The following USP6NL variants were observed in gnomAD, a reference collection of about 807,000 sequenced individuals.
The protein encoded by USP6NL is USP6 N-terminal-like protein.
USP6NL carries 26 observed loss-of-function variants against 61.9 expected under a neutral mutation model. That is an observed-to-expected ratio of 0.42 (90% confidence interval 0.31 to 0.58). The LOEUF (loss-of-function observed/expected upper bound fraction) is 0.58, where lower values mean the gene tolerates loss of function less well. Ranked by LOEUF, USP6NL falls within the 20% of genes least tolerant of loss-of-function variation. The pLI, the probability that USP6NL is intolerant of heterozygous loss-of-function variation, is 0.16. For synonymous variants in USP6NL, 432 were observed against 390.1 expected (o/e 1.11, Z -1.27); for missense variants, 1,114 against 1,034.3 (o/e 1.08, Z -1.06).
At position 11,587,964 on chromosome 10, in the gene USP6NL, C is replaced by G. The variant is rs1438582873; in HGVS notation, c.4+9667G>C. On this transcript the variant is annotated intron_variant, in intron 2 of 14. Transcript: ENST00000609104. The surrounding 1 kb of genome is among the most constrained non-coding windows in gnomAD (Gnocchi z 4.5). Reference sequence around the variant, plus strand: ...TAGAAATGGGGAATTTTCTACTAAACAGCTAAACGTGAAGGAAATCTAGAG... The same window carrying G: ...TAGAAATGGGGAATTTTCTACTAAAGAGCTAAACGTGAAGGAAATCTAGAG... Among the ~76,000 whole-genome samples the G allele has an allele frequency of 6.6e-6, 1 of 152,188 alleles. No individual in the cohort carries two copies. The highest frequency in any genetic ancestry group is 1.5e-5 in the Non-Finnish European group (1 of 68,032).
At chr10:11,522,741 A>G (rs964733295) in intron 4 of USP6NL, among the ~76,000 whole-genome samples, 1 of 152,240 alleles carries the variant, frequency 6.6e-6, no homozygotes, top group Non-Finnish European at 1.5e-5. Context: ...CATTTCAAAC[A>G]GTATCCTTCT....
rs974466615 is a variant in USP6NL, at chr10:11,513,603, T to C, written c.196-3928A>G. Among the ~76,000 whole-genome samples, 3 of 152,244 alleles carry C rather than the reference T, an allele frequency of 2.0e-5. No homozygotes were observed. The highest frequency in any genetic ancestry group is 6.5e-5 in the Admixed American group (1 of 15,286). ...ATTTCATTTATACTATTTAGGTTTT[T>C]AGGGGGAACTGATCATTAGACAATC... On this transcript the variant is annotated intron_variant, in intron 5 of 14. Coordinates refer to ENST00000609104, the MANE Select transcript of USP6NL (RefSeq NM_014688.5). The surrounding 1 kb of genome is among the most constrained non-coding windows in gnomAD (Gnocchi z 4.7).
rs1039579141 is a variant in USP6NL, at chr10:11,511,580, T to G, written c.196-1905A>C. On this transcript the variant is annotated intron_variant, in intron 5 of 14. Coordinates refer to ENST00000609104, the MANE Select transcript of USP6NL (RefSeq NM_014688.5). This position sits in a 1 kb window ranked among gnomAD's most constrained non-coding sequence, Gnocchi z 4.9. ...TTTGCCAGGAACAACCCTGCTGAGA[T>G]CTAGCAGGTCTCTTGCTATCTTTCA... Among the ~76,000 whole-genome samples, 48 of 152,212 alleles carry G rather than the reference T, an allele frequency of 3.2e-4. No homozygotes were observed. The highest frequency in any genetic ancestry group is 1.1e-3 in the African/African-American group (47 of 41,452).
At position 11,603,958 on chromosome 10, in the gene USP6NL, A is replaced by T. The variant is rs373165123; in HGVS notation, c.-83-6241T>A. Reference sequence around the variant, plus strand: ...TACAATGGTGGACTATAAGCCTTGCAGGGAAATCACTCAACATATAGGAAG... The same window carrying T: ...TACAATGGTGGACTATAAGCCTTGCTGGGAAATCACTCAACATATAGGAAG... On this transcript the variant is annotated intron_variant, in intron 1 of 14. Transcript: ENST00000609104. Among the ~76,000 whole-genome samples the T allele has an allele frequency of 9.2e-5, 14 of 152,308 alleles. No homozygotes were observed. The East Asian group carries it at 2.5e-3, about 27-fold the overall frequency.
At chr10:11,521,940 T>C (rs972373843) in intron 4 of USP6NL, among the ~76,000 whole-genome samples, 1 of 152,252 alleles carries the variant, frequency 6.6e-6, no homozygotes, top group African/African-American at 2.4e-5. Context: ...AGACTAGCAG[T>C]GACTATTTTT....
rs1156525103 is a variant in USP6NL, at chr10:11,511,894, A to C, written c.196-2219T>G. On this transcript the variant is annotated intron_variant, in intron 5 of 14. Transcript: ENST00000609104. This position sits in a 1 kb window ranked among gnomAD's most constrained non-coding sequence, Gnocchi z 4.9. ...ATCCGAAAATTATGTATCAGTATTC[A>C]ATCAAGTTTAAGTGCTAACTCCATA... 6.6e-6 allele frequency among the ~76,000 whole-genome samples: 1 copy of C among 152,062 alleles called. No individual in the cohort carries two copies. The highest frequency in any genetic ancestry group is 1.5e-5 in the Non-Finnish European group (1 of 68,014).
intron 14 of USP6NL, among the ~76,000 whole-genome samples, chr10:11,480,236 G>A (rs369776926): frequency 6.6e-6 from 1 of 152,182 alleles, no homozygotes; most frequent in Non-Finnish European, 1.5e-5. Flanking sequence ...GATTAAATGA[G>A]ACGGCACCTG....
At chr10:11,594,726 A>AAAT (rs1218784330) in intron 2 of USP6NL, among the ~76,000 whole-genome samples, 1 of 152,182 alleles carries the variant, frequency 6.6e-6, no homozygotes, top group South Asian at 2.1e-4. Flanking sequence ...TTTCACCTAA[A>AAAT]AATAATAATA....
At position 11,532,843 on chromosome 10, in the gene USP6NL, C is replaced by T. The variant is rs1028336668; in HGVS notation, c.5-5276G>A. On this transcript the variant is annotated intron_variant, in intron 2 of 14. Coordinates refer to ENST00000609104, the MANE Select transcript of USP6NL (RefSeq NM_014688.5). The surrounding 1 kb of genome is among the most constrained non-coding windows in gnomAD (Gnocchi z 4.1). ...TACATGCTAAAGTAGTGGTTTTGGA[C>T]GTTTTTAACAAACCACACACACATA... is the stretch of plus-strand genomic sequence containing the variant. Among the ~76,000 whole-genome samples the T allele has an allele frequency of 6.6e-6, 1 of 152,174 alleles. No individual in the cohort carries two copies. The highest frequency in any genetic ancestry group is 2.4e-5 in the African/African-American group (1 of 41,442).
At position 11,464,865 on chromosome 10, in the gene USP6NL, T is replaced by C. The variant is rs565623113; in HGVS notation, c.1079-1016A>G. Among the ~76,000 whole-genome samples the C allele has an allele frequency of 4.6e-5, 7 of 152,336 alleles. No individual in the cohort carries two copies. The South Asian group carries it at 1.5e-3, about 32-fold the overall frequency. On this transcript the variant is annotated intron_variant, in intron 14 of 14. Transcript: ENST00000609104. ...AGAAAAGTTTTCTTTGTTTTATGAATGTGTATGTGAAATAACCTTGAAATG... is the reference window on the plus strand; with the variant it reads ...AGAAAAGTTTTCTTTGTTTTATGAACGTGTATGTGAAATAACCTTGAAATG...
At chr10:11,554,966 A>ATTTTTTTTGTTTTTTTTTTT (rs1836625179) in intron 2 of USP6NL, among the ~76,000 whole-genome samples, 1 of 111,858 alleles carries the variant, frequency 8.9e-6, no homozygotes, top group Non-Finnish European at 1.8e-5. Flanking sequence ...TGCCCGGCTA[A>ATTTTTTTTGTTTTTTTTTTT]TTTTTTTTTT....
Position 11,548,270 on chromosome 10 carries a change from T to C in USP6NL, c.5-20703A>G, listed in dbSNP as rs1326028028. The stretch of plus-strand genomic sequence containing the variant: ...GAAATTTGATGCCCCAAATTCAACA[T>C]GATACCCCGGAAAAGGTTTGGTGGG... On this transcript the variant is annotated intron_variant, in intron 2 of 14. Transcript: ENST00000609104. This position sits in a 1 kb window ranked among gnomAD's most constrained non-coding sequence, Gnocchi z 4.3. 4.6e-5 allele frequency among the ~76,000 whole-genome samples: 7 copies of C among 152,222 alleles called. No homozygotes were observed. Among genetic ancestry groups the C allele is most frequent in the Non-Finnish European group, 1.5e-5 (1 of 68,044 alleles).
intron 2 of USP6NL, among the ~76,000 whole-genome samples, chr10:11,555,552 G>A (rs1214433403): frequency 6.8e-6 from 1 of 148,008 alleles, no homozygotes; most frequent in Non-Finnish European, 1.5e-5. Flanking sequence ...GAGACACAAG[G>A]AAATGGTCTA....
rs184133120 is a variant in USP6NL at position 11,487,535 on chromosome 10, T to C, written c.664+1567A>G. ...GGACACAATTACATACCAGTTAAAT[T>C]TGCATTCTATTGTACCTCAAGACAG... On this transcript the variant is annotated intron_variant, in intron 10 of 14. Coordinates refer to ENST00000609104, the MANE Select transcript of USP6NL (RefSeq NM_014688.5). This position sits in a 1 kb window ranked among gnomAD's most constrained non-coding sequence, Gnocchi z 4.2. Among the ~76,000 whole-genome samples the C allele has an allele frequency of 4.6e-4, 70 of 152,280 alleles. No homozygotes were observed. Among genetic ancestry groups the C allele is most frequent in the Non-Finnish European group, 8.2e-4 (56 of 68,016 alleles).
chr10:11,579,787 C>G (rs1239170823), intron 2 of USP6NL, among the ~76,000 whole-genome samples: 1 of 148,054 alleles, frequency 6.8e-6, no homozygotes, highest in African/African-American at 2.5e-5. Context: ...CTACAGTCTG[C>G]AAACATTTTC....
intron 2 of USP6NL, among the ~76,000 whole-genome samples, chr10:11,555,433 A>AAAAATAT (rs1275798295): frequency 2.0e-4 from 10 of 49,022 alleles, no homozygotes; most frequent in Non-Finnish European, 2.4e-4. Context: ...AAAAAAAAAA[A>AAAAATAT]ATATATATAT....
rs549118578 is a variant in USP6NL, at chr10:11,592,362, G to A, written c.4+5269C>T. ...CTGACTACAGCTAAAGGCTGCCACAGGTCTGACAGTGGCCCCTGCCCACTA... is the reference window on the plus strand; with the variant it reads ...CTGACTACAGCTAAAGGCTGCCACAAGTCTGACAGTGGCCCCTGCCCACTA... On this transcript the variant is annotated intron_variant, in intron 2 of 14. Transcript: ENST00000609104. The surrounding 1 kb of genome is among the most constrained non-coding windows in gnomAD (Gnocchi z 4.7). Among the ~76,000 whole-genome samples, 1 of 152,040 alleles carries A rather than the reference G, an allele frequency of 6.6e-6. No individual in the cohort carries two copies. The highest frequency in any genetic ancestry group is 1.9e-4 in the East Asian group (1 of 5,198).
chr10:11,517,642 G>A (rs1835012614), intron 5 of USP6NL, among the ~76,000 whole-genome samples: 1 of 152,168 alleles, frequency 6.6e-6, no homozygotes, highest in South Asian at 2.1e-4. Context: ...TCAACTGCAG[G>A]TCTGCCTATA....
At chr10:11,494,329 G>A (rs891546176) in intron 7 of USP6NL, among the ~76,000 whole-genome samples, 1 of 152,082 alleles carries the variant, frequency 6.6e-6, no homozygotes, top group African/African-American at 2.4e-5. Flanking sequence ...CCACAGGGTT[G>A]GGTACTTAGT....
Sources: allele counts gnomAD v4.1 joint callset (sites outside exome capture counted in the v4.1 genomes callset), GRCh38; gene constraint gnomAD v4.1.1; non-coding constraint Gnocchi (gnomAD v3.1); transcripts MANE v1.5; gene names NCBI Gene and HGNC (gene_info 2026-07-23, HGNC 2026-07-21).